The following AKT3 variants were observed in gnomAD, a reference collection of about 807,000 sequenced individuals.
AKT3 encodes RAC-gamma serine/threonine-protein kinase.
AKT3 carries 15 observed loss-of-function variants against 65.3 expected under a neutral mutation model. That is an observed-to-expected ratio of 0.23 (90% CI 0.15 to 0.35). The LOEUF is 0.35. Among genes scored for constraint, AKT3 ranks in the 10% least tolerant of loss-of-function variants. The pLI is 1.00. For synonymous variants in AKT3, 206 were observed against 183.8 expected (o/e 1.12, Z -0.98); for missense variants, 243 against 576.5 (o/e 0.42, Z 5.92).
intron 2 of AKT3, among the ~76,000 whole-genome samples, chr1:243,708,697 T>C (rs1159085112): frequency 6.6e-6 from 1 of 152,004 alleles, no homozygotes; most frequent in African/African-American, 2.4e-5. Context: ...GAATTTTACA[T>C]TGCATAAATA....
intron 4 of AKT3, among the ~76,000 whole-genome samples, chr1:243,664,253 G>T (rs992222068): frequency 1.3e-4 from 17 of 128,148 alleles, no homozygotes; most frequent in African/African-American, 4.7e-4. Context: ...CTGGAGTGCA[G>T]TGGCGCAATC....
intron 2 of AKT3, among the ~76,000 whole-genome samples, chr1:243,752,195 G>C (rs1688850757): frequency 6.6e-6 from 1 of 152,064 alleles, no homozygotes; most frequent in African/African-American, 2.4e-5. Flanking sequence ...TTTTTAAACT[G>C]AAAAGTACAA....
intron 11 of AKT3, among the ~76,000 whole-genome samples, chr1:243,550,005 G>A (rs1196261460): frequency 6.6e-6 from 1 of 152,054 alleles, no homozygotes; most frequent in African/African-American, 2.4e-5. Flanking sequence ...ATGTTCTTTT[G>A]CAATCCTAGC....
At chr1:243,809,095 C>A (rs1185821115) in intron 2 of AKT3, among the ~76,000 whole-genome samples, 1 of 152,126 alleles carries the variant, frequency 6.6e-6, no homozygotes, top group African/African-American at 2.4e-5. Flanking sequence ...TTGTAAAGAC[C>A]ATCAATGCTA....
At chr1:243,815,616 C>CTTTT (rs200053952) in intron 2 of AKT3, among the ~76,000 whole-genome samples, 2 of 140,980 alleles carry the variant, frequency 1.4e-5, no homozygotes, top group African/African-American at 2.6e-5. Context: ...ATCTATATTG[C>CTTTT]TTTTTTTTTT....
At chr1:243,734,124 G>A in intron 2 of AKT3, among the ~76,000 whole-genome samples, 1 of 152,172 alleles carries the variant, frequency 6.6e-6, no homozygotes, top group East Asian at 1.9e-4. Flanking sequence ...TTTCAGCACT[G>A]TGTACTGCTG....
rs1194062337 is a variant in AKT3 at position 243,609,804 on chromosome 1, A to T, written c.696+3867T>A. 2.0e-5 allele frequency among the ~76,000 whole-genome samples: 3 copies of T among 152,172 alleles called. No individual in the cohort carries two copies. The East Asian group carries it at 5.8e-4, about 29-fold the overall frequency. Reference sequence around the variant, plus strand: ...AAGAAAATCATCTGGCTAATCTGAAAATCTGCTTTTAGTGTAAAATTTTTT... The same window carrying T: ...AAGAAAATCATCTGGCTAATCTGAATATCTGCTTTTAGTGTAAAATTTTTT... On this transcript the variant is annotated intron_variant, in intron 8 of 13. Transcript: ENST00000673466.
intron 2 of AKT3, chr1:243,735,625 A>G (rs181208993): frequency 2.4e-4 from 36 of 152,318 alleles, no homozygotes; most frequent in Admixed American, 2.2e-3. Context: ...AAACGTTAGC[A>G]TGAGTAGCCA....
chr1:243,702,635 A>G, intron 2 of AKT3, among the ~76,000 whole-genome samples: 1 of 152,198 alleles, frequency 6.6e-6, no homozygotes, highest in East Asian at 1.9e-4. Context: ...ACTAATCAGT[A>G]CTGCACTTAT....
chr1:243,727,300 G>A (rs1288162448), intron 2 of AKT3, among the ~76,000 whole-genome samples: 1 of 152,138 alleles, frequency 6.6e-6, no homozygotes, highest in East Asian at 1.9e-4. Context: ...TTGATTGATT[G>A]ATTGATTGAT....
intron 2 of AKT3, among the ~76,000 whole-genome samples, chr1:243,809,850 A>G (rs141405079): frequency 6.6e-6 from 1 of 152,216 alleles, no homozygotes; most frequent in Non-Finnish European, 1.5e-5. Flanking sequence ...ACCACAGTGC[A>G]ACCAAACTAG....
chr1:243,580,522 G>T (rs1015678798), intron 8 of AKT3, among the ~76,000 whole-genome samples: 16 of 152,160 alleles, frequency 1.1e-4, no homozygotes, highest in African/African-American at 3.9e-4. Flanking sequence ...GTCAGTCTTG[G>T]ACCAGAGATC....
chr1:243,731,172 T>C (rs955013510), intron 2 of AKT3, among the ~76,000 whole-genome samples: 2 of 152,180 alleles, frequency 1.3e-5, no homozygotes, highest in Non-Finnish European at 2.9e-5. Context: ...TAAACTCTTA[T>C]ATGTAAGTAT....
rs1678196877 is a variant in AKT3, at chr1:243,615,126, T to C, written c.597A>G (p.Val199=). 1.2e-6 allele frequency: 2 copies of C among 1,610,030 alleles called. No individual in the cohort carries two copies. The highest frequency in any genetic ancestry group is 2.7e-5 in the African/African-American group (2 of 74,876). ...AAAAGGGATGTCTAGTGTTCTTTAA[T>C]ACTCTGCTTTCAGTTAGAGTGTGTG... ...EVAHTLTESR[V]LKNTRHPFLT... is the part of the protein sequence containing the mutation. Residue 199 remains valine (V), a synonymous_variant, in exon 7 of 14, where the codon GTA becomes GTG. Transcript: ENST00000673466.
intron 12 of AKT3, among the ~76,000 whole-genome samples, chr1:243,531,730 A>G (rs995670012): frequency 1.3e-5 from 2 of 152,206 alleles, no homozygotes; most frequent in African/African-American, 4.8e-5. Flanking sequence ...CTTAAATTAA[A>G]TATCCAATAT....
intron 2 of AKT3, among the ~76,000 whole-genome samples, chr1:243,741,588 T>C (rs1283787006): frequency 2.6e-5 from 4 of 152,214 alleles, no homozygotes; most frequent in Non-Finnish European, 2.9e-5. Flanking sequence ...AATGAGAGTG[T>C]TGCATATTTT....
At chr1:243,651,734 G>A (rs1248101957) in intron 4 of AKT3, among the ~76,000 whole-genome samples, 4 of 152,186 alleles carry the variant, frequency 2.6e-5, no homozygotes, top group Admixed American at 6.5e-5. Context: ...TTGCATCCCA[G>A]GGATGAAGCT....
At chr1:243,785,219 C>G (rs1270592595) in intron 2 of AKT3, among the ~76,000 whole-genome samples, 1 of 151,790 alleles carries the variant, frequency 6.6e-6, no homozygotes, top group African/African-American at 2.4e-5. Flanking sequence ...CAGGCGCCAG[C>G]CACCATGCCC....
chr1:243,786,172 C>G lies in AKT3; in HGVS notation c.46+56953G>C, dbSNP rs1260455909. ...AAAAACACAAGGGAAATGCACTGAC[C>G]TAAGGTTATCCTCTAACCCTGATCA... On this transcript the variant is annotated intron_variant, in intron 2 of 13. Coordinates refer to ENST00000673466, the MANE Select transcript of AKT3 (RefSeq NM_005465.7). 3.3e-5 allele frequency among the ~76,000 whole-genome samples: 5 copies of G among 152,132 alleles called. No homozygotes were observed. In the East Asian group the frequency reaches 9.6e-4, roughly 29 times the overall value.
Sources: gnomAD v4.1 joint callset for allele counts (sites outside exome capture counted in the v4.1 genomes callset) on GRCh38, gnomAD v4.1.1 for gene constraint, MANE v1.5 for transcripts, NCBI Gene and HGNC (gene_info 2026-07-23, HGNC 2026-07-21) for gene names.